NHEJ1: variants seen among roughly 807,000 people sequenced by gnomAD.
NHEJ1 encodes non-homologous end-joining factor 1.
A neutral mutation model predicts 39.4 loss-of-function variants in NHEJ1; 22 were observed. That is an observed-to-expected ratio of 0.56 (90% CI 0.40 to 0.80). NHEJ1 has a LOEUF of 0.80. NHEJ1 is among the 30% of genes least tolerant of loss of function. The pLI is 0.00. For synonymous variants in NHEJ1, 154 were observed against 135.6 expected, an observed-to-expected ratio of 1.14 and a Z score of -0.94; for missense variants, 329 against 357.1, an observed-to-expected ratio of 0.92 and a Z score of 0.63.
At chr2:219,118,884 G>C (rs778111964) in intron 5 of NHEJ1, among the ~76,000 whole-genome samples, 1 of 152,144 alleles carries the variant, frequency 6.6e-6, no homozygotes, top group African/African-American at 2.4e-5. Context: ...AATCAATGGC[G>C]GCTGGTGGGA....
chr2:219,129,152 GACTT>G (rs1197087727), intron 5 of NHEJ1, among the ~76,000 whole-genome samples: 2 of 152,184 alleles, frequency 1.3e-5, no homozygotes, highest in African/African-American at 4.8e-5. Context: ...TACCTAAACA[GACTT>G]ACTTGATTGC....
At chr2:219,157,750 G>T in intron 2 of NHEJ1, 66 bp from the exon 3 acceptor site, 1 of 1,308,750 alleles carries the variant, frequency 7.6e-7, no homozygotes, top group Non-Finnish European at 1.1e-6. Context: ...ATAAGTAACA[G>T]CAAAGGAAAG....
rs1262656264 is a variant in NHEJ1 at position 219,147,732 on chromosome 2, C to G, written c.454G>C (p.Glu152Gln). 1.9e-6 allele frequency: 3 copies of G among 1,614,116 alleles called. No homozygotes were observed. Among genetic ancestry groups the G allele is most frequent in the Non-Finnish European group, 1.7e-6 (2 of 1,179,996 alleles). Residue 152 changes from glutamate to glutamine, a missense_variant, in exon 4 of 8, where the codon GAG becomes CAG. By Grantham distance (29) the Glu-to-Gln change is conservative (BLOSUM62 2). Transcript: ENST00000356853. The part of the protein sequence containing the change: ...MSLALQCQVR[E>Q]LATLLHMKDL... Reference sequence around the variant, plus strand: ...TTCATATGAAGTAACGTTGCTAGCTCCCTCACTTGGCACTGTAATGCCAGA... The same window carrying G: ...TTCATATGAAGTAACGTTGCTAGCTGCCTCACTTGGCACTGTAATGCCAGA...
At position 219,072,895 on chromosome 2, in the gene NHEJ1, G is replaced by A. The variant is rs1258597259; in HGVS notation, c.*3486C>T. ...GTAAGGAACGAAACCAGGAGGAGCA[G>A]CACAGCCTTTTCCATTCCCCACTCC... On this transcript the variant is annotated 3_prime_UTR_variant, in exon 8 of 8. Coordinates refer to ENST00000356853, the MANE Select transcript of NHEJ1 (RefSeq NM_024782.3). 1.3e-5 allele frequency among the ~76,000 whole-genome samples: 2 copies of A among 152,210 alleles called. No individual in the cohort carries two copies. Among genetic ancestry groups the A allele is most frequent in the Non-Finnish European group, 2.9e-5 (2 of 68,040 alleles).
At chr2:219,089,713 T>G (rs1270970246) in intron 5 of NHEJ1, among the ~76,000 whole-genome samples, 1 of 152,252 alleles carries the variant, frequency 6.6e-6, no homozygotes, top group African/African-American at 2.4e-5. Flanking sequence ...GTATATACTT[T>G]TGGTATATAC....
rs1217250856 is a variant in NHEJ1, at chr2:219,111,185, T to C, written c.589-32979A>G. On this transcript the variant is annotated intron_variant, in intron 5 of 7. Coordinates refer to ENST00000356853, the MANE Select transcript of NHEJ1 (RefSeq NM_024782.3). The surrounding 1 kb of genome is among the most constrained non-coding windows in gnomAD (Gnocchi z 4.1). The stretch of plus-strand genomic sequence containing the variant: ...GAACTGGAATAGAATTTACTCGTGA[T>C]ACCCAGACCAATGCTCTATTATTCA... Among the ~76,000 whole-genome samples the C allele has an allele frequency of 2.0e-5, 3 of 152,216 alleles. No homozygotes were observed. The highest frequency in any genetic ancestry group is 4.4e-5 in the Non-Finnish European group (3 of 68,040).
In NHEJ1 at chr2:219,147,735, T is replaced by G. The variant is rs141996352; in HGVS notation, c.451A>C (p.Arg151=). 3.2e-4 allele frequency: 518 copies of G among 1,614,174 alleles called. 2 individuals are homozygous for G. The African/African-American group carries it at 5.6e-3, about 17-fold the overall frequency. Residue 151 remains arginine (R), a synonymous_variant, in exon 4 of 8, where the codon AGG becomes CGG. Coordinates refer to ENST00000356853, the MANE Select transcript of NHEJ1 (RefSeq NM_024782.3). ...GMSLALQCQV[R]ELATLLHMKD... is the part of the protein sequence containing the mutation. ...ATATGAAGTAACGTTGCTAGCTCCC[T>G]CACTTGGCACTGTAATGCCAGACTC...
rs1433790190 is a variant in NHEJ1, at chr2:219,070,974, G to A, written c.*5407C>T. On this transcript the variant is annotated 3_prime_UTR_variant, in exon 8 of 8. Transcript: ENST00000356853. ...ACTAGTGCCTCCCCATTCCTCTCAC[G>A]TGACAGGACGCCCTGAAATCCCCGC... Among the ~76,000 whole-genome samples the A allele has an allele frequency of 2.6e-5, 4 of 152,116 alleles. No homozygotes were observed. The highest frequency in any genetic ancestry group is 1.9e-4 in the East Asian group (1 of 5,192).
At chr2:219,148,322 G>A (rs2106362713) in intron 3 of NHEJ1, among the ~76,000 whole-genome samples, 1 of 152,240 alleles carries the variant, frequency 6.6e-6, no homozygotes, top group Admixed American at 6.5e-5. Flanking sequence ...GGGAGGCCGA[G>A]GTAGGAACTC....
At chr2:219,149,472 C>T (rs1949774690) in intron 3 of NHEJ1, among the ~76,000 whole-genome samples, 1 of 151,886 alleles carries the variant, frequency 6.6e-6, no homozygotes, top group African/African-American at 2.4e-5. Context: ...AAAAATTAGC[C>T]AGGCATGGTG....
At position 219,078,190 on chromosome 2, in the gene NHEJ1, C is replaced by A; in HGVS notation, c.605G>T (p.Cys202Phe). Residue 202 changes from cysteine to phenylalanine, a missense_variant, in exon 6 of 8, where the codon TGC becomes TTC. Transcript: ENST00000356853. Reference protein sequence around the residue: ...QFMIEKLPEACSIGDGKPFVM... With the variant: ...QFMIEKLPEAFSIGDGKPFVM... ...AAAGGGCTTTCCATCACCAATGCTGCATGCCTCTGGCAGTTTCTGTAAGAG... is the reference window on the plus strand; with the variant it reads ...AAAGGGCTTTCCATCACCAATGCTGAATGCCTCTGGCAGTTTCTGTAAGAG... 2 of 1,614,082 alleles carry A rather than the reference C, an allele frequency of 1.2e-6. No homozygotes were observed. The highest frequency in any genetic ancestry group is 1.7e-6 in the Non-Finnish European group (2 of 1,179,950).
rs891597206 is a variant in NHEJ1 at position 219,075,006 on chromosome 2, A to G, written c.*1375T>C. Reference sequence around the variant, plus strand: ...AGAGCCCCTGGGGAGCAGACATCCTATTGAAAAGAGGCAAGGTCATGGGAT... The same window carrying G: ...AGAGCCCCTGGGGAGCAGACATCCTGTTGAAAAGAGGCAAGGTCATGGGAT... On this transcript the variant is annotated 3_prime_UTR_variant, in exon 8 of 8. Transcript: ENST00000356853. Among the ~76,000 whole-genome samples the G allele has an allele frequency of 1.3e-5, 2 of 152,222 alleles. No individual in the cohort carries two copies. The highest frequency in any genetic ancestry group is 4.8e-5 in the African/African-American group (2 of 41,450).
In NHEJ1 at chr2:219,071,034, CCTTCT is replaced by C. The variant is rs2106315443; in HGVS notation, c.*5342_*5346del. 6.6e-6 allele frequency among the ~76,000 whole-genome samples: 1 copy of C among 152,316 alleles called. No individual in the cohort carries two copies. The stretch of plus-strand genomic sequence containing the variant: ...ATGCTAAATGAAACTGGCAGTCTTC[CCTTCT>C]CATGTGGCATCAGGCTTTTTCTGTC... On this transcript the variant is annotated 3_prime_UTR_variant, in exon 8 of 8. Coordinates refer to ENST00000356853, the MANE Select transcript of NHEJ1 (RefSeq NM_024782.3).
intron 5 of NHEJ1, among the ~76,000 whole-genome samples, chr2:219,102,169 TTATA>T (rs1949267837): frequency 6.6e-6 from 1 of 152,358 alleles, no homozygotes; most frequent in East Asian, 1.9e-4. Context: ...TTTAATAATT[TTATA>T]GAGTACATTC....
chr2:219,135,548 G>A (rs1027309712), intron 5 of NHEJ1, among the ~76,000 whole-genome samples: 4 of 152,196 alleles, frequency 2.6e-5, no homozygotes, highest in Non-Finnish European at 5.9e-5. Flanking sequence ...GGCAGAGGTT[G>A]CAGTGAGCCG....
intron 5 of NHEJ1, among the ~76,000 whole-genome samples, chr2:219,142,342 C>G (rs931202043): frequency 3.3e-5 from 5 of 152,182 alleles, no homozygotes; most frequent in Non-Finnish European, 7.3e-5. Flanking sequence ...TGATTCCTAG[C>G]CAGGGGTTGC....
chr2:219,099,315 C>A (rs1949235478), intron 5 of NHEJ1, among the ~76,000 whole-genome samples: 1 of 152,142 alleles, frequency 6.6e-6, no homozygotes, highest in Admixed American at 6.5e-5. Flanking sequence ...ACTCACTACA[C>A]CAGATGCCAG....
At chr2:219,079,145 T>C (rs1187164555) in intron 5 of NHEJ1, among the ~76,000 whole-genome samples, 2 of 152,238 alleles carry the variant, frequency 1.3e-5, no homozygotes, top group African/African-American at 2.4e-5. Flanking sequence ...GGCTGAAGAC[T>C]GAACAAAGTG....
intron 3 of NHEJ1, among the ~76,000 whole-genome samples, chr2:219,157,090 A>G (rs1361896354): frequency 6.6e-6 from 1 of 152,198 alleles, no homozygotes; most frequent in African/African-American, 2.4e-5. Context: ...GTTTTCTCCA[A>G]TCCTCAACCA....
Sources: gnomAD v4.1 joint callset for allele counts (sites outside exome capture counted in the v4.1 genomes callset) on GRCh38, gnomAD v4.1.1 for gene constraint, Gnocchi (gnomAD v3.1) non-coding constraint, MANE v1.5 for transcripts, NCBI Gene and HGNC (gene_info 2026-07-23, HGNC 2026-07-21) for gene names.